Variants in SHC3 observed in about 807,000 individuals in gnomAD.
SHC3 encodes the protein SHC adaptor protein 3, also known as SHC-transforming protein 3.
Under a neutral mutation model 60.4 loss-of-function variants are expected in SHC3, and 15 were observed. The observed-to-expected ratio is 0.25, with a 90% CI of 0.17 to 0.38. The LOEUF (loss-of-function observed/expected upper bound fraction) is 0.38. SHC3 is among the 10% of genes least tolerant of loss of function. The pLI, the probability that SHC3 is intolerant of heterozygous loss-of-function variation, is 1.00. For missense variants in SHC3, 677 were observed against 786.1 expected (o/e 0.86, Z 1.66); for synonymous variants, 294 against 325.9 (o/e 0.90, Z 1.05).
intron 6 of SHC3, among the ~76,000 whole-genome samples, chr9:89,058,362 G>A (rs553387211): frequency 3.1e-4 from 47 of 151,126 alleles, no homozygotes; most frequent in African/African-American, 9.5e-4. Flanking sequence ...GGCGTAGGAC[G>A]TGGTGGAGGA....
intron 7 of SHC3, among the ~76,000 whole-genome samples, chr9:89,048,793 T>C (rs1824814185): frequency 6.6e-6 from 1 of 152,190 alleles, no homozygotes; most frequent in African/African-American, 2.4e-5. Flanking sequence ...TGCACCCTGC[T>C]GGAGGAGCGG....
chr9:89,038,076 T>C lies in SHC3; in HGVS notation c.1573A>G (p.Thr525Ala). The change falls in exon 11 of 12, where the codon ACC becomes GCC. Residue 525 changes from threonine (T) to alanine (A), a missense_variant. By Grantham distance (58) the Thr-to-Ala change is moderately conservative. Transcript: ENST00000375835. ...AGGACAAAGGAGCCCGGGTTGGTGG[T>C]GCTCTTCCTGACCAGGAAGTCTCCG... ...KDGDFLVRKS[T>A]TNPGSFVLTG... 6.2e-7 allele frequency: 1 copy of C among 1,614,084 alleles called. No individual in the cohort carries two copies. Among genetic ancestry groups the C allele is most frequent in the Non-Finnish European group, 8.5e-7 (1 of 1,180,020 alleles).
chr9:89,111,592 A>C lies in SHC3; in HGVS notation c.545+964T>G, dbSNP rs73654731. On this transcript the variant is annotated intron_variant, in intron 2 of 11. Coordinates refer to ENST00000375835, the MANE Select transcript of SHC3 (RefSeq NM_016848.6). ...GGCACTTAGGAAAGAGAAAAAAAAA[A>C]AACAAAACATTAACTCTTTGACCAT... Among the ~76,000 whole-genome samples, 1,259 of 152,274 alleles carry C rather than the reference A, an allele frequency of 8.3e-3. 15 individuals carry two copies. The highest frequency in any genetic ancestry group is 0.028 in the African/African-American group (1,154 of 41,566).
intron 1 of SHC3, among the ~76,000 whole-genome samples, chr9:89,130,051 G>A (rs919858776): frequency 6.6e-6 from 1 of 151,954 alleles, no homozygotes; most frequent in African/African-American, 2.4e-5. Flanking sequence ...CAAAATAAAG[G>A]GATGGAGGAA....
chr9:89,048,984 G>A (rs143250557), intron 7 of SHC3, among the ~76,000 whole-genome samples: 232 of 152,278 alleles, frequency 1.5e-3, no homozygotes, highest in African/African-American at 4.4e-3. Context: ...TATGCCGGCC[G>A]GGCACGGTGA....
At chr9:89,038,449 A>T (rs1207987143) in intron 10 of SHC3, among the ~76,000 whole-genome samples, 161 bp from the exon 11 acceptor site, 1 of 152,200 alleles carries the variant, frequency 6.6e-6, no homozygotes, top group African/African-American at 2.4e-5. Flanking sequence ...CTGGTAATAT[A>T]ACAAGAGCCA....
At chr9:89,177,861 A>C in intron 1 of SHC3, 126 bp downstream of exon 1, 1 of 1,128,214 alleles carries the variant, frequency 8.9e-7, no homozygotes, top group Non-Finnish European at 1.1e-6. Context: ...AGGAGTGCGC[A>C]TTTGCTTGCC....
intron 11 of SHC3, among the ~76,000 whole-genome samples, chr9:89,032,441 C>T (rs1824505597): frequency 6.6e-6 from 1 of 152,182 alleles, no homozygotes; most frequent in Non-Finnish European, 1.5e-5. Context: ...ACAGTGCCCA[C>T]CTCGCTTAGC....
At chr9:89,117,462 C>A (rs1826034575) in intron 1 of SHC3, among the ~76,000 whole-genome samples, 1 of 152,138 alleles carries the variant, frequency 6.6e-6, no homozygotes, top group Non-Finnish European at 1.5e-5. Flanking sequence ...TTGTTCATAT[C>A]TTTCTGCCCA....
intron 9 of SHC3, 32 bp downstream of exon 9, chr9:89,045,714 G>T (rs763117069): frequency 6.2e-7 from 1 of 1,602,802 alleles, no homozygotes; most frequent in Non-Finnish European, 8.5e-7. Context: ...AGTGTCTTTT[G>T]TGTTTCTCAC....
At chr9:89,030,654 T>C (rs1024859647) in intron 11 of SHC3, among the ~76,000 whole-genome samples, 2 of 152,138 alleles carry the variant, frequency 1.3e-5, no homozygotes, top group African/African-American at 4.8e-5. Flanking sequence ...TAACAGAACA[T>C]CAAATTTTTC....
At chr9:89,103,072 G>A (rs945765619) in intron 2 of SHC3, among the ~76,000 whole-genome samples, 1 of 152,184 alleles carries the variant, frequency 6.6e-6, no homozygotes, top group Non-Finnish European at 1.5e-5. Context: ...GGAATGTTTG[G>A]AAAGGTGTGC....
intron 2 of SHC3, among the ~76,000 whole-genome samples, chr9:89,095,445 C>T (rs552939908): frequency 1.1e-4 from 17 of 152,062 alleles, no homozygotes; most frequent in South Asian, 4.2e-4. Context: ...GTTGCTGGAT[C>T]GGGACGGGGA....
rs1257696938 is a variant in SHC3 at position 89,157,771 on chromosome 9, C to T, written c.474+20216G>A. On this transcript the variant is annotated intron_variant, in intron 1 of 11. Coordinates refer to ENST00000375835, the MANE Select transcript of SHC3 (RefSeq NM_016848.6). ...CCTGGGACTACAGGCATCCTGCCAC[C>T]ACGCCAGGCTAATTTAAAAAAAATT... Among the ~76,000 whole-genome samples the T allele has an allele frequency of 2.0e-5, 3 of 152,174 alleles. No individual in the cohort carries two copies. The East Asian group carries it at 5.8e-4, about 30-fold the overall frequency.
In SHC3 at chr9:89,054,392, T is replaced by G. The variant is rs115944264; in HGVS notation, c.836-2229A>C. On this transcript the variant is annotated intron_variant, in intron 6 of 11. Transcript: ENST00000375835. ...TGAATGGAGAAAACAAGTCACCTGT[T>G]GCTTTGGTCTGAGGATTCCTTCTAT... Among the ~76,000 whole-genome samples the G allele has an allele frequency of 5.2e-3, 788 of 152,352 alleles. 9 individuals are homozygous for G. Among genetic ancestry groups the G allele is most frequent in the African/African-American group, 0.018 (767 of 41,594 alleles).
intron 2 of SHC3, among the ~76,000 whole-genome samples, chr9:89,097,044 G>A (rs754786247): frequency 5.5e-5 from 8 of 146,376 alleles, no homozygotes; most frequent in Non-Finnish European, 1.2e-4. Flanking sequence ...TCTCAGCAGC[G>A]AGGAGGCCAC....
intron 2 of SHC3, among the ~76,000 whole-genome samples, chr9:89,098,670 G>T (rs1472844802): frequency 1.3e-5 from 2 of 152,150 alleles, no homozygotes; most frequent in Admixed American, 6.5e-5. Context: ...AATTAGCCGG[G>T]CATGGTAGCA....
At chr9:89,077,196 CA>C (rs1283775447) in intron 3 of SHC3, among the ~76,000 whole-genome samples, 2 of 146,012 alleles carry the variant, frequency 1.4e-5, no homozygotes, top group South Asian at 2.2e-4. Context: ...AAAAAAAAAA[CA>C]AAAAAAAACA....
At chr9:89,131,927 A>G (rs1826252307) in intron 1 of SHC3, among the ~76,000 whole-genome samples, 1 of 152,170 alleles carries the variant, frequency 6.6e-6, no homozygotes, top group African/African-American at 2.4e-5. Flanking sequence ...GGCAAGAGAA[A>G]GAAATAAAGG....
Sources: gnomAD v4.1 joint callset for allele counts (sites outside exome capture counted in the v4.1 genomes callset) on GRCh38, gnomAD v4.1.1 for gene constraint, MANE v1.5 for transcripts, NCBI Gene and HGNC (gene_info 2026-07-23, HGNC 2026-07-21) for gene names.